MSL2: variants seen among roughly 807,000 people sequenced by gnomAD.
MSL2 encodes the protein E3 ubiquitin-protein ligase MSL2.
Under a neutral mutation model 35.8 loss-of-function variants are expected in MSL2, and 2 were observed. The ratio of observed to expected loss-of-function variants is 0.06; its 90% CI spans 0.02 to 0.18. The LOEUF is 0.18. Ranked by LOEUF, MSL2 falls within the 10% of genes least tolerant of loss-of-function variation. MSL2 has a pLI of 1.00. For synonymous variants in MSL2, 296 were observed against 255.7 expected, an observed-to-expected ratio of 1.16 and a Z score of -1.50; for missense variants, 523 against 706.7, an observed-to-expected ratio of 0.74 and a Z score of 2.95.
intron 1 of MSL2, among the ~76,000 whole-genome samples, chr3:136,173,344 T>C (rs1307507191): frequency 6.6e-6 from 1 of 152,154 alleles, no homozygotes; most frequent in Non-Finnish European, 1.5e-5. Context: ...ATCTCATCTC[T>C]CTTTTGCCAA....
intron 1 of MSL2, among the ~76,000 whole-genome samples, chr3:136,159,817 TAGAAGAAAACGG>T (rs1439914207): frequency 1.3e-5 from 2 of 152,036 alleles, no homozygotes; most frequent in Non-Finnish European, 2.9e-5. Flanking sequence ...ATAGAAATTC[TAGAAGAAAACGG>T]AGAAGAAAAT....
At chr3:136,184,197 G>A (rs1217443468) in intron 1 of MSL2, among the ~76,000 whole-genome samples, 1 of 152,136 alleles carries the variant, frequency 6.6e-6, no homozygotes, top group Non-Finnish European at 1.5e-5. Flanking sequence ...TCGGGAGGCT[G>A]AGGCAGGAGA....
chr3:136,159,597 C>T (rs1939643439), intron 1 of MSL2, among the ~76,000 whole-genome samples: 1 of 151,054 alleles, frequency 6.6e-6, no homozygotes. Flanking sequence ...GTCTTGATCT[C>T]CTGGCCTCGT....
intron 1 of MSL2, chr3:136,155,743 A>G (rs1025811451): frequency 1.2e-5 from 6 of 518,454 alleles, no homozygotes; most frequent in Non-Finnish European, 2.3e-5. Flanking sequence ...CTCCTTCTAC[A>G]GACGGAATTG....
intron 1 of MSL2, among the ~76,000 whole-genome samples, chr3:136,178,680 GCCCACCATGGCA>G (rs938147290): frequency 5.3e-5 from 8 of 151,814 alleles, no homozygotes; most frequent in South Asian, 2.1e-4. Context: ...AATTACAGGC[GCCCACCATGGCA>G]CCCAGCTAAC....
chr3:136,192,133 G>A (rs1053682722), intron 1 of MSL2, among the ~76,000 whole-genome samples: 13 of 152,212 alleles, frequency 8.5e-5, no homozygotes, highest in African/African-American at 2.4e-4. Flanking sequence ...AGTATCTTAT[G>A]ACTGGAACAA....
chr3:136,170,806 C>T (rs1022623077), intron 1 of MSL2, among the ~76,000 whole-genome samples: 2 of 151,950 alleles, frequency 1.3e-5, no homozygotes, highest in African/African-American at 2.4e-5. Flanking sequence ...CCCAGCCTGT[C>T]CATATTTTTA....
intron 1 of MSL2, among the ~76,000 whole-genome samples, chr3:136,179,874 T>C (rs897769618): frequency 6.6e-6 from 1 of 152,130 alleles, no homozygotes; most frequent in African/African-American, 2.4e-5. Context: ...GAGATCAGCC[T>C]GGCCAACACG....
intron 1 of MSL2, among the ~76,000 whole-genome samples, chr3:136,175,254 G>A (rs965756104): frequency 6.6e-6 from 1 of 151,684 alleles, no homozygotes; most frequent in Non-Finnish European, 1.5e-5. Context: ...TGAGGCAGGA[G>A]AATCACTTCA....
intron 1 of MSL2, among the ~76,000 whole-genome samples, chr3:136,171,815 A>G (rs913506573): frequency 2.6e-5 from 4 of 152,160 alleles, no homozygotes; most frequent in Admixed American, 1.3e-4. Context: ...ATTTGGGTAT[A>G]ATTAATTTTC....
chr3:136,165,445 A>G (rs1368811460), intron 1 of MSL2, among the ~76,000 whole-genome samples: 1 of 152,094 alleles, frequency 6.6e-6, no homozygotes, highest in Non-Finnish European at 1.5e-5. Context: ...CTTTTCCTCA[A>G]GTCAGTCAAT....
chr3:136,195,428 C>G lies in MSL2; in HGVS notation c.-315G>C. On this transcript the variant is annotated 5_prime_UTR_variant, in exon 1 of 2. Transcript: ENST00000309993. ...TGGGCGCTCGGGGCGGGACTCGGAG[C>G]TCAGTCTAGCCCCGCGGCTCGGCAG... is the stretch of plus-strand genomic sequence containing the variant. The G allele has an allele frequency of 6.3e-6, 7 of 1,115,218 alleles. No homozygotes were observed. The highest frequency in any genetic ancestry group is 1.7e-5 in the African/African-American group (1 of 60,118). 69.1% of individuals were successfully genotyped at this position (1,115,218 alleles called of 1,614,324 possible). A position where few individuals can be genotyped will look rare whatever the true frequency, so the allele number is the denominator to read the frequency against.
chr3:136,168,947 A>G (rs1939931512), intron 1 of MSL2, among the ~76,000 whole-genome samples: 1 of 152,092 alleles, frequency 6.6e-6, no homozygotes, highest in Non-Finnish European at 1.5e-5. Flanking sequence ...AAGAAAATAC[A>G]GAAGAAAAAA....
At chr3:136,189,130 A>AAAAAAAAAAAAAAAAAAAAAAAAAAAAG (rs1940609666) in intron 1 of MSL2, among the ~76,000 whole-genome samples, 1 of 128,398 alleles carries the variant, frequency 7.8e-6, no homozygotes, top group African/African-American at 2.9e-5. Flanking sequence ...AAAAAAAAAA[A>AAAAAAAAAAAAAAAAAAAAAAAAAAAAG]AAAAAACACA....
rs1940832048 is a variant in MSL2 at position 136,195,947 on chromosome 3, T to A, written c.-834A>T. On this transcript the variant is annotated 5_prime_UTR_variant, in exon 1 of 2. Transcript: ENST00000309993. ...GTCGCACACTCCGGGGTCACCAGAC[T>A]CAAGCGCCGCCCCCTCACTGCCCGG... 1 of 424,774 alleles carries A rather than the reference T, an allele frequency of 2.4e-6. No individual in the cohort carries two copies. The highest frequency in any genetic ancestry group is 3.1e-6 in the Non-Finnish European group (1 of 319,188). 26.3% of individuals were successfully genotyped at this position (424,774 alleles called of 1,614,324 possible). A position where few individuals can be genotyped will look rare whatever the true frequency, so the allele number is the denominator to read the frequency against.
rs1940845662 is a variant in MSL2, at chr3:136,196,293, G to A, written c.-1180C>T. On this transcript the variant is annotated 5_prime_UTR_variant, in exon 1 of 2. Coordinates refer to ENST00000309993, the MANE Select transcript of MSL2 (RefSeq NM_018133.4). ...CGGGCAAAGCCACTGTCATCCCCGA[G>A]ACTCCCCCGCCGCCGTCGTCGCTAG... 6.6e-6 allele frequency: 1 copy of A among 152,168 alleles called. No individual in the cohort carries two copies. The highest frequency in any genetic ancestry group is 2.1e-4 in the South Asian group (1 of 4,804). 9.4% of individuals were successfully genotyped at this position (152,168 alleles called of 1,614,324 possible).
chr3:136,192,259 G>T (rs1486869544), intron 1 of MSL2, among the ~76,000 whole-genome samples: 1 of 152,130 alleles, frequency 6.6e-6, no homozygotes, highest in African/African-American at 2.4e-5. Context: ...TGCAACCTCT[G>T]CCTCCCAGGT....
intron 1 of MSL2, among the ~76,000 whole-genome samples, chr3:136,188,371 T>C (rs6779146): frequency 0.21 from 32,257 of 150,658 alleles, 3,509 homozygotes; most frequent in Middle Eastern, 0.31. Context: ...GAAGCAGAGG[T>C]TGCAGTGAGC....
Position 136,180,788 on chromosome 3 carries a change from G to GGAAGGAA in MSL2, c.142+14183_142+14184insTTCCTTC, listed in dbSNP as rs1559969190. Among the ~76,000 whole-genome samples the GGAAGGAA allele has an allele frequency of 1.7e-3, 77 of 44,244 alleles. 4 individuals carry two copies. Among genetic ancestry groups the GGAAGGAA allele is most frequent in the Non-Finnish European group, 2.9e-3 (60 of 20,876 alleles). The allele number at this position is 44,244 out of a possible 152,430, so 29.0% of individuals were successfully genotyped here. A position where few individuals can be genotyped will look rare whatever the true frequency, so the allele number is the denominator to read the frequency against. On this transcript the variant is annotated intron_variant, in intron 1 of 1. Coordinates refer to ENST00000309993, the MANE Select transcript of MSL2 (RefSeq NM_018133.4). ...AGGGAGGGAGGGAGGGAGGGAGGGA[G>GGAAGGAA]GGAGGGAGGGAGGGAGGGAGGGAAG... is the stretch of plus-strand genomic sequence containing the variant.
Sources: allele counts gnomAD v4.1 joint callset (sites outside exome capture counted in the v4.1 genomes callset), GRCh38; gene constraint gnomAD v4.1.1; transcripts MANE v1.5; gene names NCBI Gene and HGNC (gene_info 2026-07-23, HGNC 2026-07-21).